CACNB2: variants seen among roughly 807,000 people sequenced by gnomAD.
The protein encoded by CACNB2 is voltage-dependent L-type calcium channel subunit beta-2.
Under a neutral mutation model 73.3 loss-of-function variants are expected in CACNB2, and 42 were observed. That is an observed-to-expected ratio of 0.57 (90% CI 0.45 to 0.74). The LOEUF (loss-of-function observed/expected upper bound fraction) is 0.74, where lower values mean the gene tolerates loss of function less well. Ranked by LOEUF, CACNB2 falls within the 30% of genes least tolerant of loss-of-function variation. CACNB2 has a pLI of 0.00. For synonymous variants in CACNB2, 348 were observed against 310.3 expected (o/e 1.12, Z -1.28); for missense variants, 940 against 853.0 (o/e 1.10, Z -1.27).
chr10:18,150,853 G>GTTTT, intron 1 of CACNB2, 30 bp from the exon 2 acceptor site: 7 of 655,040 alleles, frequency 1.1e-5, no homozygotes, highest in South Asian at 4.7e-5. Flanking sequence ...AATCTTATTT[G>GTTTT]TCTTTTTTTT....
chr10:18,423,753 T>G (rs1442861198), intron 3 of CACNB2, among the ~76,000 whole-genome samples: 1 of 152,182 alleles, frequency 6.6e-6, no homozygotes, highest in Non-Finnish European at 1.5e-5. Context: ...CCCCTCCATG[T>G]GCAGACTATT....
At position 18,305,176 on chromosome 10, in the gene CACNB2, C is replaced by T. The variant is rs752760358; in HGVS notation, c.214-96748C>T. On this transcript the variant is annotated intron_variant, in intron 2 of 13. Transcript: ENST00000324631. ...AAGAACAAGGAAAGCCTTTGGGTTA[C>T]AGGAAATAAATGTCGTCTACTTCAT... Among the ~76,000 whole-genome samples the T allele has an allele frequency of 4.6e-5, 7 of 152,264 alleles. No individual in the cohort carries two copies. In the South Asian group the frequency reaches 1.2e-3, roughly 27 times the overall value.
chr10:18,537,074 G>A, intron 12 of CACNB2, among the ~76,000 whole-genome samples: 1 of 151,960 alleles, frequency 6.6e-6, no homozygotes, highest in Non-Finnish European at 1.5e-5. Context: ...TGCAACCTCT[G>A]CCTCCCGGGC....
chr10:18,511,404 A>G (rs1334767454), intron 6 of CACNB2, among the ~76,000 whole-genome samples: 1 of 152,234 alleles, frequency 6.6e-6, no homozygotes, highest in Admixed American at 6.5e-5. Context: ...TTTAATATTC[A>G]TAACAACTTC....
At chr10:18,220,185 A>G (rs1260733671) in intron 2 of CACNB2, among the ~76,000 whole-genome samples, 1 of 60,822 alleles carries the variant, frequency 1.6e-5, no homozygotes, top group African/African-American at 1.3e-4. Flanking sequence ...ACATATATAT[A>G]CATATATATG....
In CACNB2 at chr10:18,539,949, C is replaced by T. The variant is rs576723743; in HGVS notation, c.*225C>T. 56 of 516,146 alleles carry T rather than the reference C, an allele frequency of 1.1e-4. No homozygotes were observed. The highest frequency in any genetic ancestry group is 3.1e-4 in the African/African-American group (16 of 52,228). 32.0% of individuals were successfully genotyped at this position (516,146 alleles called of 1,614,324 possible). A position where few individuals can be genotyped will look rare whatever the true frequency, so the allele number is the denominator to read the frequency against. On this transcript the variant is annotated 3_prime_UTR_variant, in exon 14 of 14. Transcript: ENST00000324631. ...TTGGCCTGGTATGGCTGCAGTCCTC[C>T]GGTTGCATACTGGACTCTTCAAAAA... is the stretch of plus-strand genomic sequence containing the variant.
intron 2 of CACNB2, among the ~76,000 whole-genome samples, chr10:18,276,964 A>T (rs978126495): frequency 6.6e-6 from 1 of 152,184 alleles, no homozygotes; most frequent in Non-Finnish European, 1.5e-5. Flanking sequence ...AAATTAAAAA[A>T]TTATTAGCCT....
At chr10:18,431,109 G>A (rs1033353423) in intron 3 of CACNB2, among the ~76,000 whole-genome samples, 1 of 151,726 alleles carries the variant, frequency 6.6e-6, no homozygotes, top group Non-Finnish European at 1.5e-5. Context: ...CAGTCTCCAG[G>A]GTAGCTGAGA....
intron 10 of CACNB2, among the ~76,000 whole-genome samples, chr10:18,531,081 C>T (rs1340819919): frequency 1.3e-5 from 2 of 152,160 alleles, no homozygotes; most frequent in Admixed American, 6.5e-5. Context: ...TGGAATTACA[C>T]ATATGGCATT....
intron 3 of CACNB2, among the ~76,000 whole-genome samples, chr10:18,460,929 C>T (rs892943932): frequency 1.3e-5 from 2 of 150,212 alleles, no homozygotes; most frequent in African/African-American, 2.4e-5. Context: ...TATTTCTTTT[C>T]TTTCCTTTTT....
rs1588525697 is a variant in CACNB2 at position 18,141,231 on chromosome 10, C to CGGGGGGGG, written c.120+378_120+379insGGGGGGGG. On this transcript the variant is annotated intron_variant, in intron 1 of 13. Transcript: ENST00000324631. ...GCTGAAGATCGTGAGTCCGGGTGGG[C>CGGGGGGGG]GGGAGGGGGCCCGCTTCCCGCAGCG... 3 of 274,192 alleles carry CGGGGGGGG rather than the reference C, an allele frequency of 1.1e-5. No individual in the cohort carries two copies. The Admixed American group carries it at 1.4e-4, about 13-fold the overall frequency. The allele number at this position is 274,192 out of a possible 1,614,324, so 17.0% of individuals were successfully genotyped here. A position where few individuals can be genotyped will look rare whatever the true frequency, so the allele number is the denominator to read the frequency against.
chr10:18,156,545 G>T (rs892126201), intron 2 of CACNB2, among the ~76,000 whole-genome samples: 2 of 152,180 alleles, frequency 1.3e-5, no homozygotes, highest in African/African-American at 2.4e-5. Context: ...TGTCCATAGG[G>T]GTCATTGGCT....
chr10:18,253,051 T>C (rs2037149827), intron 2 of CACNB2, among the ~76,000 whole-genome samples: 1 of 152,220 alleles, frequency 6.6e-6, no homozygotes, highest in African/African-American at 2.4e-5. Flanking sequence ...GTTCTAACTC[T>C]GCCATTGCCT....
chr10:18,498,692 G>A (rs751824739), intron 4 of CACNB2: 7 of 532,876 alleles, frequency 1.3e-5, no homozygotes, highest in East Asian at 3.5e-5. Context: ...TAACTTCAGC[G>A]CTCCCTGGGG....
At chr10:18,211,835 C>G (rs898963029) in intron 2 of CACNB2, among the ~76,000 whole-genome samples, 1 of 148,906 alleles carries the variant, frequency 6.7e-6, no homozygotes, top group Non-Finnish European at 1.5e-5. Flanking sequence ...ATCACATTTT[C>G]TGCTGACAGA....
intron 3 of CACNB2, among the ~76,000 whole-genome samples, chr10:18,406,235 A>T (rs888782578): frequency 1.3e-5 from 2 of 152,152 alleles, no homozygotes; most frequent in African/African-American, 4.8e-5. Context: ...GAAGGGAGGG[A>T]TAGAGAGGTC....
At chr10:18,270,567 G>A (rs747181151) in intron 2 of CACNB2, among the ~76,000 whole-genome samples, 7 of 152,228 alleles carry the variant, frequency 4.6e-5, no homozygotes, top group Non-Finnish European at 8.8e-5. Flanking sequence ...GACACTTCTT[G>A]ATCAAGCCAC....
intron 3 of CACNB2, among the ~76,000 whole-genome samples, chr10:18,470,548 G>C (rs199569185): frequency 6.6e-6 from 1 of 151,156 alleles, no homozygotes; most frequent in African/African-American, 2.4e-5. Context: ...ACGTTATTCT[G>C]TATATATTAT....
intron 2 of CACNB2, among the ~76,000 whole-genome samples, chr10:18,265,545 A>G (rs1362220991): frequency 6.6e-6 from 1 of 152,232 alleles, no homozygotes; most frequent in Non-Finnish European, 1.5e-5. Context: ...GGAGAAAAGC[A>G]TCTGGTGATT....
Sources: gnomAD v4.1 joint callset for allele counts (sites outside exome capture counted in the v4.1 genomes callset) on GRCh38, gnomAD v4.1.1 for gene constraint, MANE v1.5 for transcripts, NCBI Gene and HGNC (gene_info 2026-07-23, HGNC 2026-07-21) for gene names.